Variants in RAD50 observed in about 807,000 individuals in gnomAD.
The protein encoded by RAD50 is DNA repair protein RAD50.
Under a neutral mutation model 168.8 loss-of-function variants are expected in RAD50, and 132 were observed. The observed-to-expected ratio is 0.78, with a 90% CI of 0.68 to 0.90. RAD50 has a LOEUF of 0.90. RAD50 is among the 40% of genes least tolerant of loss of function. The probability of loss-of-function intolerance (pLI) is 0.00; values close to 1 mark genes in which losing one functional copy is unlikely to be tolerated. For synonymous variants in RAD50, 525 were observed against 497.4 expected (o/e 1.06, Z -0.74); for missense variants, 1,347 against 1,534.4 (o/e 0.88, Z 2.04).
chr5:132,583,646 G>A (rs1466057932), intron 5 of RAD50, among the ~76,000 whole-genome samples: 1 of 147,544 alleles, frequency 6.8e-6, no homozygotes, highest in Non-Finnish European at 1.5e-5. Flanking sequence ...AGACTTTTGT[G>A]TCTGGGATTT....
rs786203901 is a variant in RAD50, at chr5:132,591,921, T to A, written c.1680T>A (p.Ser560Arg). Residue 560 changes from serine to arginine, a missense_variant, in exon 11 of 25, where the codon AGT (serine) becomes AGA (arginine). Ser to Arg is a moderately radical substitution (Grantham distance 110, BLOSUM62 -1). Coordinates refer to ENST00000378823, the MANE Select transcript of RAD50 (RefSeq NM_005732.4). ...TCAGAAAAATAAAATCTAGGCACAG[T>A]GATGAATTAACCTCACTGTTGGGAT... ...EQIRKIKSRH[S>R]DELTSLLGYF... 1 of 1,609,308 alleles carries A rather than the reference T, an allele frequency of 6.2e-7. No homozygotes were observed. Among genetic ancestry groups the A allele is most frequent in the Non-Finnish European group, 8.5e-7 (1 of 1,176,020 alleles).
At chr5:132,563,810 G>A (rs746000462) in intron 2 of RAD50, among the ~76,000 whole-genome samples, 21 of 152,204 alleles carry the variant, frequency 1.4e-4, no homozygotes, top group Non-Finnish European at 1.6e-4. Context: ...CCTGGTGGGA[G>A]GTGATTGAAT....
intron 5 of RAD50, among the ~76,000 whole-genome samples, chr5:132,581,396 A>C (rs1750502957): frequency 1.3e-5 from 2 of 152,228 alleles, no homozygotes; most frequent in African/African-American, 4.8e-5. Context: ...CAGGGATTAC[A>C]GGCGTGAGCC....
intron 24 of RAD50, 138 bp downstream of exon 24, chr5:132,640,943 T>C: frequency 1.4e-6 from 2 of 1,436,854 alleles, no homozygotes; most frequent in South Asian, 2.3e-5. Context: ...GGGAAGCCAG[T>C]TGGTGCCAGG....
chr5:132,641,270 G>A (rs1751714634), intron 24 of RAD50, among the ~76,000 whole-genome samples: 1 of 152,214 alleles, frequency 6.6e-6, no homozygotes, highest in African/African-American at 2.4e-5. Flanking sequence ...TTGAGATTAG[G>A]TAAAGTCCAG....
chr5:132,570,410 A>G (rs895319807), intron 2 of RAD50, among the ~76,000 whole-genome samples: 2 of 152,250 alleles, frequency 1.3e-5, no homozygotes, highest in Non-Finnish European at 2.9e-5. Flanking sequence ...TCTTGTCTAC[A>G]TTGAAAATCT....
At chr5:132,596,862 T>C (rs1426380800) in intron 13 of RAD50, among the ~76,000 whole-genome samples, 1 of 152,198 alleles carries the variant, frequency 6.6e-6, no homozygotes, top group Non-Finnish European at 1.5e-5. Flanking sequence ...GGAAGAGGAA[T>C]ATAAGACCTG....
At chr5:132,609,525 T>C (rs1267622471) in intron 19 of RAD50, 129 bp downstream of exon 19, 2 of 1,436,274 alleles carry the variant, frequency 1.4e-6, no homozygotes, top group African/African-American at 2.9e-5. Context: ...CTCACACCTG[T>C]AATCCCTGCA....
Position 132,591,277 on chromosome 5 carries a change from G to A in RAD50, c.1506G>A (p.Met502Ile), listed in dbSNP as rs2149842182. ...ACAGCAATGTAGAAACCTTAAAAAT[G>A]GAAGTAATAAGTCTCCAAAATGAAA... ...EKNSNVETLK[M>I]EVISLQNEKA... The change falls in exon 10 of 25, where the codon ATG becomes ATA. Residue 502 changes from methionine (M) to isoleucine (I), a missense_variant. This residue lies in a region of RAD50 where 703 missense variants were observed against 767.7 expected (regional missense o/e 0.92). Transcript: ENST00000378823. 1 of 1,613,094 alleles carries A rather than the reference G, an allele frequency of 6.2e-7. No individual in the cohort carries two copies. The highest frequency in any genetic ancestry group is 1.1e-5 in the South Asian group (1 of 91,056).
intron 2 of RAD50, among the ~76,000 whole-genome samples, chr5:132,566,483 T>C (rs1750210880): frequency 2.0e-5 from 3 of 152,216 alleles, no homozygotes; most frequent in East Asian, 1.9e-4. Flanking sequence ...CACCTCCTCA[T>C]TGAAATGTCT....
At chr5:132,589,554 C>A in intron 8 of RAD50, 77 bp from the exon 9 acceptor site, 1 of 1,151,144 alleles carries the variant, frequency 8.7e-7, no homozygotes, top group East Asian at 2.5e-5. Flanking sequence ...CTTCAGTGTA[C>A]ATATATTCCT....
intron 5 of RAD50, among the ~76,000 whole-genome samples, chr5:132,585,119 C>A (rs182973527): frequency 7.4e-4 from 113 of 152,208 alleles, no homozygotes; most frequent in Admixed American, 1.5e-3. Context: ...AAGTTGTTTT[C>A]GGCTTTGGGT....
At position 132,583,948 on chromosome 5, in the gene RAD50, C is replaced by T. The variant is rs189605761; in HGVS notation, c.757-3614C>T. On this transcript the variant is annotated intron_variant, in intron 5 of 24. Transcript: ENST00000378823. ...CCAACCTCAGATGATCTGCCCACCT[C>T]GGCCTCCCAAAGTGCTGGGATTACA... 1.8e-4 allele frequency among the ~76,000 whole-genome samples: 28 copies of T among 152,188 alleles called. 1 individual carries two copies. The East Asian group carries it at 4.6e-3, about 25-fold the overall frequency.
intron 21 of RAD50, among the ~76,000 whole-genome samples, chr5:132,630,406 C>G (rs1751443357): frequency 6.6e-6 from 1 of 152,086 alleles, no homozygotes; most frequent in Non-Finnish European, 1.5e-5. Context: ...CCAAGGTAGC[C>G]AGCTTTCTGT....
chr5:132,627,401 GAAAT>G (rs1751389511), intron 21 of RAD50, among the ~76,000 whole-genome samples: 1 of 152,110 alleles, frequency 6.6e-6, no homozygotes, highest in African/African-American at 2.4e-5. Context: ...ACAAAATTAA[GAAAT>G]AAATTAATAA....
chr5:132,625,713 C>T lies in RAD50; in HGVS notation c.3389+7419C>T, dbSNP rs539692878. Among the ~76,000 whole-genome samples, 11 of 152,188 alleles carry T rather than the reference C, an allele frequency of 7.2e-5. No individual in the cohort carries two copies. In the East Asian group the frequency reaches 1.5e-3, roughly 21 times the overall value. On this transcript the variant is annotated intron_variant, in intron 21 of 24. Coordinates refer to ENST00000378823, the MANE Select transcript of RAD50 (RefSeq NM_005732.4). ...CCTAGTCTCTGGTAACTATCATCTC[C>T]ACTATCTCCATGAGTTCAATTGTTT...
At chr5:132,633,218 C>T (rs915763427) in intron 21 of RAD50, among the ~76,000 whole-genome samples, 3 of 150,728 alleles carry the variant, frequency 2.0e-5, no homozygotes, top group Admixed American at 1.3e-4. Flanking sequence ...GATTCTCCTG[C>T]CTCAGCCTCC....
chr5:132,600,660 C>G (rs544767167), intron 13 of RAD50, among the ~76,000 whole-genome samples: 1 of 152,280 alleles, frequency 6.6e-6, no homozygotes, highest in African/African-American at 2.4e-5. Flanking sequence ...TAAATGCAAA[C>G]TCAATTGGTA....
At chr5:132,619,871 GATATATATATATAT>G (rs1265698606) in intron 21 of RAD50, among the ~76,000 whole-genome samples, 1,942 of 84,470 alleles carry the variant, frequency 0.023, 22 homozygotes, top group East Asian at 0.076. Flanking sequence ...TATATATAAA[GATATATATATATAT>G]AGAGAGAGAG....
Sources: gnomAD v4.1 joint callset for allele counts (sites outside exome capture counted in the v4.1 genomes callset) on GRCh38, gnomAD v4.1.1 for gene constraint, gnomAD v4.1.1 regional missense constraint, MANE v1.5 for transcripts, NCBI Gene and HGNC (gene_info 2026-07-23, HGNC 2026-07-21) for gene names.